The following TEC variants were observed in gnomAD, a reference collection of about 807,000 sequenced individuals.
The protein encoded by TEC is tec protein tyrosine kinase.
TEC carries 72 observed loss-of-function variants against 93.0 expected under a neutral mutation model. That is an observed-to-expected ratio of 0.77 (90% confidence interval 0.64 to 0.94). The LOEUF (loss-of-function observed/expected upper bound fraction) is 0.94. TEC is among the 40% of genes least tolerant of loss of function. TEC has a pLI of 0.00. For synonymous variants in TEC, 249 were observed against 247.7 expected (o/e 1.01, Z -0.05); for missense variants, 630 against 757.9 (o/e 0.83, Z 1.98).
intron 1 of TEC, among the ~76,000 whole-genome samples, chr4:48,235,272 G>A (rs1453521995): frequency 6.6e-6 from 1 of 152,306 alleles, no homozygotes; most frequent in Admixed American, 6.5e-5. Flanking sequence ...TAGCATGGGT[G>A]ACTCCATTTC....
At chr4:48,247,887 T>C (rs1053422459) in intron 1 of TEC, among the ~76,000 whole-genome samples, 3 of 152,220 alleles carry the variant, frequency 2.0e-5, no homozygotes, top group African/African-American at 7.2e-5. Flanking sequence ...ATAAAAGTAA[T>C]TTAAGAAACA....
chr4:48,244,353 T>C (rs1289463976), intron 1 of TEC, among the ~76,000 whole-genome samples: 1 of 152,186 alleles, frequency 6.6e-6, no homozygotes, highest in Non-Finnish European at 1.5e-5. Context: ...ACAATCATGG[T>C]GGAAGGCAAG....
Position 48,170,386 on chromosome 4 carries a change from A to C in TEC, c.326-10T>G. The C allele has an allele frequency of 7.5e-7, 1 of 1,336,056 alleles. No homozygotes were observed. The highest frequency in any genetic ancestry group is 1.1e-6 in the Non-Finnish European group (1 of 944,748). The allele number at this position is 1,336,056 out of a possible 1,614,324, so 82.8% of individuals were successfully genotyped here. A position where few individuals can be genotyped will look rare whatever the true frequency, so the allele number is the denominator to read the frequency against. On this transcript the variant is annotated splice_polypyrimidine_tract_variant and intron_variant, in intron 4 of 17. Coordinates refer to ENST00000381501, the MANE Select transcript of TEC (RefSeq NM_003215.3). ...TTGTTGTTCTTTATTTCTGTAATTC[A>C]CAGATATAGTAATTAATAGTGAAAT...
intron 1 of TEC, among the ~76,000 whole-genome samples, chr4:48,250,308 C>T (rs182477267): frequency 6.6e-6 from 1 of 152,108 alleles, no homozygotes; most frequent in East Asian, 1.9e-4. Flanking sequence ...TGGACTGTAC[C>T]CCTAAATATT....
intron 2 of TEC, among the ~76,000 whole-genome samples, chr4:48,179,150 T>C (rs1030145306): frequency 7.9e-5 from 12 of 151,616 alleles, no homozygotes; most frequent in Admixed American, 3.9e-4. Flanking sequence ...AAAAAGACAA[T>C]AGGACAAGCT....
At chr4:48,173,405 T>C (rs191235412) in intron 3 of TEC, among the ~76,000 whole-genome samples, 1 of 151,322 alleles carries the variant, frequency 6.6e-6, no homozygotes, top group Admixed American at 6.6e-5. Context: ...GAGAAGTTTC[T>C]AGGAATAGCA....
At chr4:48,230,464 C>T (rs998767236) in intron 1 of TEC, among the ~76,000 whole-genome samples, 46 of 152,212 alleles carry the variant, frequency 3.0e-4, no homozygotes, top group Admixed American at 1.7e-3. Flanking sequence ...TTTAATTCCA[C>T]GGCTATTTGC....
chr4:48,171,388 C>T lies in TEC; in HGVS notation c.305G>A (p.Trp102Ter), dbSNP rs1721105036. ...TTTACCTTCTTTTAACTTCTTCACC[C>T]ACAGGTCCCTGCTTTGTGGACTAGG... ...FAPSPQSRDL[W>*]VKKLKEEIKN... is the part of the protein sequence containing the mutation. Residue 102 changes from tryptophan (W) to a stop codon, truncating the protein, a stop_gained, in exon 4 of 18, where the codon TGG becomes TAG. Coordinates refer to ENST00000381501, the MANE Select transcript of TEC (RefSeq NM_003215.3). LOFTEE classifies it high-confidence loss of function. The T allele has an allele frequency of 1.2e-6, 2 of 1,613,314 alleles. No individual in the cohort carries two copies. The highest frequency in any genetic ancestry group is 1.7e-5 in the Admixed American group (1 of 59,854).
At chr4:48,214,473 G>A (rs1406745263) in intron 2 of TEC, among the ~76,000 whole-genome samples, 2 of 152,180 alleles carry the variant, frequency 1.3e-5, no homozygotes, top group Non-Finnish European at 2.9e-5. Context: ...TTATGATGAT[G>A]CAAAAGCAAT....
intron 2 of TEC, among the ~76,000 whole-genome samples, chr4:48,193,792 A>G (rs1722182973): frequency 6.6e-6 from 1 of 150,380 alleles, no homozygotes; most frequent in African/African-American, 2.5e-5. Context: ...TTTTTTAATG[A>G]TACTTTATAT....
chr4:48,227,715 T>TTAGCC (rs1287005453), intron 2 of TEC, among the ~76,000 whole-genome samples: 1 of 151,060 alleles, frequency 6.6e-6, no homozygotes, highest in Non-Finnish European at 1.5e-5. Context: ...CAGCATATGG[T>TTAGCC]TAGCCATGGG....
intron 2 of TEC, among the ~76,000 whole-genome samples, chr4:48,198,379 A>G (rs548166932): frequency 6.6e-6 from 1 of 152,340 alleles, no homozygotes; most frequent in Admixed American, 6.5e-5. Context: ...ACCATCCTCC[A>G]GGCTAAAGAA....
intron 9 of TEC, chr4:48,153,431 A>C (rs1403154406): frequency 6.6e-6 from 1 of 152,190 alleles, no homozygotes; most frequent in Non-Finnish European, 1.5e-5. Flanking sequence ...TTAACCAACT[A>C]CTGGGTGGTC....
chr4:48,256,954 G>A (rs1035286965), intron 1 of TEC, among the ~76,000 whole-genome samples: 11 of 152,194 alleles, frequency 7.2e-5, no homozygotes, highest in Non-Finnish European at 1.5e-4. Flanking sequence ...CACTTGAAAT[G>A]AAGCCAGTGC....
At chr4:48,230,947 G>C (rs1184360186) in intron 1 of TEC, among the ~76,000 whole-genome samples, 1 of 152,130 alleles carries the variant, frequency 6.6e-6, no homozygotes, top group Non-Finnish European at 1.5e-5. Flanking sequence ...TCATCATAGA[G>C]CTAATCATAT....
chr4:48,225,480 A>G (rs1207263975), intron 2 of TEC, among the ~76,000 whole-genome samples: 1 of 152,074 alleles, frequency 6.6e-6, no homozygotes, highest in African/African-American at 2.4e-5. Flanking sequence ...ACCGGCCCTC[A>G]CATTCTTTTC....
At chr4:48,172,405 C>A (rs1054417248) in intron 3 of TEC, among the ~76,000 whole-genome samples, 1 of 151,750 alleles carries the variant, frequency 6.6e-6, no homozygotes, top group Admixed American at 6.6e-5. Flanking sequence ...TAGAGAATTC[C>A]TTCTTATTCA....
intron 7 of TEC, among the ~76,000 whole-genome samples, chr4:48,167,046 C>T (rs1029037639): frequency 1.3e-5 from 2 of 151,972 alleles, no homozygotes; most frequent in African/African-American, 4.8e-5. Flanking sequence ...AGTGGGATTG[C>T]ACTGCAGAGG....
At chr4:48,232,051 G>A (rs560393929) in intron 1 of TEC, among the ~76,000 whole-genome samples, 25 of 152,290 alleles carry the variant, frequency 1.6e-4, no homozygotes, top group Admixed American at 6.5e-4. Flanking sequence ...CACTTTGGGA[G>A]ACCAAGGCAG....
Sources: allele counts gnomAD v4.1 joint callset (sites outside exome capture counted in the v4.1 genomes callset), GRCh38; gene constraint gnomAD v4.1.1; transcripts MANE v1.5; gene names NCBI Gene and HGNC (gene_info 2026-07-23, HGNC 2026-07-21).